Variants in FAM13C observed in about 807,000 individuals in gnomAD.
FAM13C encodes protein FAM13C.
FAM13C carries 37 observed loss-of-function variants against 73.2 expected under a neutral mutation model. That is an observed-to-expected ratio of 0.51 (90% CI 0.39 to 0.67). The LOEUF (loss-of-function observed/expected upper bound fraction) is 0.67. Among genes scored for constraint, FAM13C ranks in the 30% least tolerant of loss-of-function variants. FAM13C has a pLI of 0.00. For synonymous variants in FAM13C, 246 were observed against 260.9 expected (o/e 0.94, Z 0.55); for missense variants, 589 against 715.6 (o/e 0.82, Z 2.02).
intron 5 of FAM13C, among the ~76,000 whole-genome samples, chr10:59,298,397 A>C (rs1188952091): frequency 6.6e-6 from 1 of 152,248 alleles, no homozygotes; most frequent in African/African-American, 2.4e-5. Flanking sequence ...GTAAATGCAG[A>C]ATACCTTCAA....
intron 4 of FAM13C, among the ~76,000 whole-genome samples, chr10:59,314,450 G>A (rs935993181): frequency 5.9e-5 from 9 of 152,218 alleles, no homozygotes; most frequent in Admixed American, 2.6e-4. Context: ...AAGCAACAAA[G>A]CTGGAACTAG....
chr10:59,362,723 G>A, upstream of FAM13C: 4 of 640,698 alleles, frequency 6.2e-6, no homozygotes, highest in South Asian at 4.5e-5. Flanking sequence ...GGGATCCAGC[G>A]AGGAGCACCT....
chr10:59,274,799 A>G (rs1374200037), intron 6 of FAM13C, among the ~76,000 whole-genome samples: 3 of 152,172 alleles, frequency 2.0e-5, no homozygotes, highest in Non-Finnish European at 4.4e-5. Flanking sequence ...TACTCTCCCT[A>G]TGTCACCAAA....
At chr10:59,348,495 T>C (rs1238953931) in intron 3 of FAM13C, among the ~76,000 whole-genome samples, 1 of 152,258 alleles carries the variant, frequency 6.6e-6, no homozygotes, top group Non-Finnish European at 1.5e-5. Flanking sequence ...TGAGCAGTGA[T>C]AACTGTAGTT....
At chr10:59,307,442 C>T (rs1430465051) in intron 4 of FAM13C, among the ~76,000 whole-genome samples, 1 of 152,158 alleles carries the variant, frequency 6.6e-6, no homozygotes, top group Non-Finnish European at 1.5e-5. Context: ...AGTGGGTCTT[C>T]CAGGCAGTTT....
intron 3 of FAM13C, among the ~76,000 whole-genome samples, chr10:59,347,632 C>A (rs1403812467): frequency 6.6e-6 from 1 of 152,058 alleles, no homozygotes; most frequent in Non-Finnish European, 1.5e-5. Context: ...CACCCATCAA[C>A]CTGTCACCTA....
At chr10:59,289,078 G>A (rs1845910355) in intron 5 of FAM13C, among the ~76,000 whole-genome samples, 2 of 152,300 alleles carry the variant, frequency 1.3e-5, no homozygotes, top group Admixed American at 1.3e-4. Flanking sequence ...CTGGGGCACG[G>A]GGATTGTTTT....
At chr10:59,275,933 T>C (rs1453015860) in intron 6 of FAM13C, among the ~76,000 whole-genome samples, 3 of 152,188 alleles carry the variant, frequency 2.0e-5, no homozygotes, top group Non-Finnish European at 4.4e-5. Flanking sequence ...CTCAGAGAAT[T>C]ACAGTCATCT....
At chr10:59,357,016 ATTT>A (rs1325776671) in intron 1 of FAM13C, among the ~76,000 whole-genome samples, 1 of 152,106 alleles carries the variant, frequency 6.6e-6, no homozygotes, top group Non-Finnish European at 1.5e-5. Flanking sequence ...TACACCAGTG[ATTT>A]GCCAGGGGCT....
intron 6 of FAM13C, among the ~76,000 whole-genome samples, chr10:59,274,709 T>C (rs891325946): frequency 6.6e-6 from 1 of 152,208 alleles, no homozygotes; most frequent in Non-Finnish European, 1.5e-5. Context: ...CATTATTTAA[T>C]GTCTCTCAAT....
At chr10:59,349,960 C>T (rs981474482) in intron 3 of FAM13C, among the ~76,000 whole-genome samples, 4 of 152,216 alleles carry the variant, frequency 2.6e-5, no homozygotes, top group Non-Finnish European at 4.4e-5. Context: ...AAATGGCATC[C>T]GAGTCTCACT....
At chr10:59,329,748 T>C (rs1851717632) in intron 3 of FAM13C, among the ~76,000 whole-genome samples, 1 of 152,208 alleles carries the variant, frequency 6.6e-6, no homozygotes, top group Admixed American at 6.5e-5. Context: ...TCAATTATGC[T>C]GTCTATCATA....
At chr10:59,263,848 G>GAATC (rs1469723514) in intron 9 of FAM13C, 6 of 511,758 alleles carry the variant, frequency 1.2e-5, no homozygotes, top group Non-Finnish European at 2.1e-5. Flanking sequence ...GCATTGAAGT[G>GAATC]AATCATTCCA....
chr10:59,263,022 A>G (rs1469506213), intron 9 of FAM13C, among the ~76,000 whole-genome samples: 1 of 152,206 alleles, frequency 6.6e-6, no homozygotes, highest in Non-Finnish European at 1.5e-5. Flanking sequence ...TTGTGGGTTC[A>G]TCAAGAGCTC....
chr10:59,257,354 G>C (rs781604987), intron 10 of FAM13C, among the ~76,000 whole-genome samples: 45 of 152,278 alleles, frequency 3.0e-4, no homozygotes, highest in Admixed American at 7.2e-4. Flanking sequence ...TTCTTTCTGG[G>C]TCCTGGTCAG....
intron 6 of FAM13C, among the ~76,000 whole-genome samples, chr10:59,271,440 CT>C (rs1843709548): frequency 6.6e-6 from 1 of 152,208 alleles, no homozygotes; most frequent in Non-Finnish European, 1.5e-5. Flanking sequence ...TGGATAACGC[CT>C]CCTATTTTGC....
intron 6 of FAM13C, chr10:59,282,458 G>A (rs1845039440): frequency 6.6e-6 from 1 of 152,102 alleles, no homozygotes; most frequent in Non-Finnish European, 1.5e-5. Context: ...TATAGTAGGT[G>A]TATATATTTA....
rs942395688 is a variant in FAM13C at position 59,270,816 on chromosome 10, T to C, written c.593-707A>G. On this transcript the variant is annotated intron_variant, in intron 6 of 13. Coordinates refer to ENST00000618804, the MANE Select transcript of FAM13C (RefSeq NM_198215.4). Reference sequence around the variant, plus strand: ...AATCAGGAATTATTCTATTTTTTTCTCCAAAACTTTATGTACGATTTTATT... The same window carrying C: ...AATCAGGAATTATTCTATTTTTTTCCCCAAAACTTTATGTACGATTTTATT... Among the ~76,000 whole-genome samples the C allele has an allele frequency of 9.8e-5, 15 of 152,290 alleles. No individual in the cohort carries two copies. The South Asian group carries it at 3.1e-3, about 32-fold the overall frequency.
At chr10:59,315,536 A>T (rs1849431972) in intron 4 of FAM13C, among the ~76,000 whole-genome samples, 1 of 152,154 alleles carries the variant, frequency 6.6e-6, no homozygotes, top group Non-Finnish European at 1.5e-5. Flanking sequence ...TTATTACAGA[A>T]GCTGGAGTTG....
Sources: allele counts gnomAD v4.1 joint callset (sites outside exome capture counted in the v4.1 genomes callset), GRCh38; gene constraint gnomAD v4.1.1; transcripts MANE v1.5; gene names NCBI Gene and HGNC (gene_info 2026-07-23, HGNC 2026-07-21).